NFX1: variants seen among roughly 807,000 people sequenced by gnomAD.
The protein encoded by NFX1 is transcriptional repressor NF-X1.
NFX1 carries 69 observed loss-of-function variants against 137.2 expected under a neutral mutation model. The ratio of observed to expected loss-of-function variants is 0.50; its 90% CI spans 0.41 to 0.61. The LOEUF (loss-of-function observed/expected upper bound fraction) is 0.61, where lower values mean the gene tolerates loss of function less well. NFX1 is among the 20% of genes least tolerant of loss of function. NFX1 has a pLI of 0.00. For synonymous variants in NFX1, 495 were observed against 474.1 expected (o/e 1.04, Z -0.57); for missense variants, 1,167 against 1,391.0 (o/e 0.84, Z 2.56).
intron 11 of NFX1, among the ~76,000 whole-genome samples, chr9:33,333,373 A>T (rs1037813455): frequency 1.3e-5 from 2 of 152,226 alleles, no homozygotes; most frequent in African/African-American, 4.8e-5. Flanking sequence ...TGGAGGCAGA[A>T]CAAGTCCGAG....
At chr9:33,357,007 A>T (rs1198251) in intron 19 of NFX1, among the ~76,000 whole-genome samples, 10 of 151,564 alleles carry the variant, frequency 6.6e-5, no homozygotes, top group South Asian at 4.2e-4. Context: ...AAAAAAAAAA[A>T]AATAAGCCGG....
chr9:33,364,590 C>A (rs1203896015), intron 20 of NFX1, 118 bp from the exon 21 acceptor site: 3 of 1,145,524 alleles, frequency 2.6e-6, no homozygotes, highest in African/African-American at 3.1e-5. Context: ...AATTCCTGAT[C>A]TCTGCAGTTT....
intron 2 of NFX1, 34 bp downstream of exon 2, chr9:33,295,461 CTTT>C: frequency 6.4e-7 from 1 of 1,558,966 alleles, no homozygotes; most frequent in African/African-American, 1.4e-5. Flanking sequence ...ATTTTGTTGT[CTTT>C]TTAATTTAAA....
At chr9:33,339,557 G>C (rs752656128) in intron 12 of NFX1, among the ~76,000 whole-genome samples, 1 of 152,134 alleles carries the variant, frequency 6.6e-6, no homozygotes, top group Non-Finnish European at 1.5e-5. Context: ...CAAATTTCAT[G>C]TCCTCACATT....
intron 19 of NFX1, among the ~76,000 whole-genome samples, chr9:33,363,294 T>TATC (rs1824067617): frequency 1.4e-5 from 2 of 138,818 alleles, no homozygotes; most frequent in Admixed American, 1.5e-4. Flanking sequence ...TTATTATTAT[T>TATC]ATTATTTTTA....
intron 21 of NFX1, chr9:33,365,515 G>A (rs1056418837): frequency 2.0e-5 from 3 of 152,306 alleles, no homozygotes; most frequent in African/African-American, 7.2e-5. Flanking sequence ...GGCTGAGGCA[G>A]GAGGATTGCT....
In NFX1 at chr9:33,332,376, T is replaced by C. The variant is rs2118496816; in HGVS notation, c.2005-96T>C. The C allele has an allele frequency of 3.4e-6, 4 of 1,166,914 alleles. No homozygotes were observed. In the Admixed American group the frequency reaches 8.0e-5, roughly 23 times the overall value. The allele number at this position is 1,166,914 out of a possible 1,614,324, so 72.3% of individuals were successfully genotyped here. A position where few individuals can be genotyped will look rare whatever the true frequency, so the allele number is the denominator to read the frequency against. ...AAGTGACTATCAGAGAAGTATGGGATATTTGGGATATTCTTGTTACCTATG... is the reference window on the plus strand; with the variant it reads ...AAGTGACTATCAGAGAAGTATGGGACATTTGGGATATTCTTGTTACCTATG... On this transcript the variant is annotated intron_variant, in intron 10 of 23. Coordinates refer to ENST00000379540, the MANE Select transcript of NFX1 (RefSeq NM_002504.6).
intron 13 of NFX1, among the ~76,000 whole-genome samples, chr9:33,343,452 G>T (rs376137574): frequency 6.6e-6 from 1 of 152,100 alleles, no homozygotes; most frequent in Non-Finnish European, 1.5e-5. Flanking sequence ...CCAGTCTGTC[G>T]TGATATAGTT....
At chr9:33,355,641 CTTTTTTT>C (rs35866452) in intron 19 of NFX1, among the ~76,000 whole-genome samples, 1 of 92,210 alleles carries the variant, frequency 1.1e-5, no homozygotes, top group Non-Finnish European at 2.1e-5. Flanking sequence ...GTTAAGAATT[CTTTTTTT>C]TTTTTTTTTT....
Position 33,314,299 on chromosome 9 carries a change from AG to A in NFX1, c.1588+507del, listed in dbSNP as rs1392076857. Among the ~76,000 whole-genome samples the A allele has an allele frequency of 5.3e-5, 8 of 152,296 alleles. No individual in the cohort carries two copies. In the East Asian group the frequency reaches 1.2e-3, roughly 22 times the overall value. On this transcript the variant is annotated intron_variant, in intron 7 of 23. Transcript: ENST00000379540. ...AGTGCCTGGCCTATCTAATTTAAAT[AG>A]TAGATTTTAAAATGCTGTTTAAAAG... is the stretch of plus-strand genomic sequence containing the variant.
intron 2 of NFX1, among the ~76,000 whole-genome samples, chr9:33,300,147 C>T (rs541301930): frequency 4.0e-5 from 6 of 149,136 alleles, no homozygotes; most frequent in South Asian, 4.3e-4. Flanking sequence ...CTGCAACCTC[C>T]GCCCCCGGGT....
chr9:33,315,724 CAACAACA>C (rs1432472927), intron 7 of NFX1, among the ~76,000 whole-genome samples: 1 of 114,824 alleles, frequency 8.7e-6, no homozygotes, highest in Non-Finnish European at 1.8e-5. Flanking sequence ...CAGTCTCTAA[CAACAACA>C]AAAAAAAAAA....
intron 12 of NFX1, among the ~76,000 whole-genome samples, chr9:33,340,742 ACCAGATAC>A (rs1258537098): frequency 6.6e-6 from 1 of 152,176 alleles, no homozygotes; most frequent in African/African-American, 2.4e-5. Flanking sequence ...AATTTCTTCC[ACCAGATAC>A]CCTTAATCAT....
At chr9:33,329,584 C>G (rs929447823) in intron 10 of NFX1, among the ~76,000 whole-genome samples, 1 of 152,110 alleles carries the variant, frequency 6.6e-6, no homozygotes, top group Non-Finnish European at 1.5e-5. Context: ...TAATTCTTCA[C>G]TGTACATCTG....
intron 15 of NFX1, among the ~76,000 whole-genome samples, chr9:33,347,322 G>A (rs1372939619): frequency 6.6e-6 from 1 of 152,144 alleles, no homozygotes; most frequent in African/African-American, 2.4e-5. Context: ...TTTAGCAAAA[G>A]CATACATACC....
At chr9:33,369,834 T>G in intron 23 of NFX1, 72 bp from the exon 24 acceptor site, 2 of 1,071,464 alleles carry the variant, frequency 1.9e-6, no homozygotes, top group South Asian at 2.7e-5. Context: ...CAGCTGATCC[T>G]TAACTTTCTG....
chr9:33,304,117 C>G (rs1231477938), intron 4 of NFX1, among the ~76,000 whole-genome samples: 1 of 152,156 alleles, frequency 6.6e-6, no homozygotes, highest in Non-Finnish European at 1.5e-5. Context: ...AATAAGTTAG[C>G]TGGGCATAGT....
chr9:33,333,430 C>T (rs1194867776), intron 11 of NFX1, among the ~76,000 whole-genome samples: 1 of 152,204 alleles, frequency 6.6e-6, no homozygotes, highest in African/African-American at 2.4e-5. Flanking sequence ...AATTTGGCTT[C>T]TCTGTGGTTT....
In NFX1 at chr9:33,294,972, G is replaced by A. The variant is rs781569062; in HGVS notation, c.578G>A (p.Ser193Asn). The A allele has an allele frequency of 6.2e-7, 1 of 1,614,172 alleles. No individual in the cohort carries two copies. The highest frequency in any genetic ancestry group is 8.5e-7 in the Non-Finnish European group (1 of 1,180,028). ...AAGGGGAAACTCAAATGTGAATGGA[G>A]TAACCGAACAACTCCAAAACCGGAG... is the stretch of plus-strand genomic sequence containing the variant. Reference protein sequence around the residue: ...KVKGKLKCEWSNRTTPKPEDA... With the variant: ...KVKGKLKCEWNNRTTPKPEDA... Residue 193 changes from serine (S) to asparagine (N), a missense_variant, in exon 2 of 24, where the codon AGT becomes AAT. Coordinates refer to ENST00000379540, the MANE Select transcript of NFX1 (RefSeq NM_002504.6).
Sources: allele counts gnomAD v4.1 joint callset (sites outside exome capture counted in the v4.1 genomes callset), GRCh38; gene constraint gnomAD v4.1.1; transcripts MANE v1.5; gene names NCBI Gene and HGNC (gene_info 2026-07-23, HGNC 2026-07-21).